GPC5: variants seen among roughly 807,000 people sequenced by gnomAD.
GPC5 encodes glypican-5.
Under a neutral mutation model 53.9 loss-of-function variants are expected in GPC5, and 47 were observed. The ratio of observed to expected loss-of-function variants is 0.87; its 90% CI spans 0.69 to 1.11. The LOEUF (loss-of-function observed/expected upper bound fraction) is 1.11. GPC5 is among the 50% of genes most tolerant of loss of function. GPC5 has a pLI of 0.00. For missense variants in GPC5, 748 were observed against 713.1 expected (o/e 1.05, Z -0.56); for synonymous variants, 286 against 263.3 (o/e 1.09, Z -0.84).
intron 6 of GPC5, among the ~76,000 whole-genome samples, chr13:91,967,434 C>T (rs970506184): frequency 1.3e-5 from 2 of 152,048 alleles, no homozygotes; most frequent in South Asian, 2.1e-4. Context: ...GTTAGAAGAA[C>T]TTAAAACTGT....
At chr13:92,392,755 C>T (rs1476091396) in intron 7 of GPC5, among the ~76,000 whole-genome samples, 2 of 152,062 alleles carry the variant, frequency 1.3e-5, no homozygotes, top group Non-Finnish European at 2.9e-5. Context: ...ACAGAGACTG[C>T]TCAAAAGAAG....
At chr13:91,967,737 A>T (rs1431802845) in intron 6 of GPC5, among the ~76,000 whole-genome samples, 2 of 152,082 alleles carry the variant, frequency 1.3e-5, no homozygotes, top group Non-Finnish European at 2.9e-5. Context: ...TTCATATACA[A>T]AATCATCAGT....
intron 4 of GPC5, among the ~76,000 whole-genome samples, chr13:91,745,805 G>C: frequency 6.6e-6 from 1 of 152,084 alleles, no homozygotes. Flanking sequence ...TATGATAAAC[G>C]TGCCATATAT....
intron 7 of GPC5, among the ~76,000 whole-genome samples, chr13:92,809,667 A>G (rs1877223348): frequency 6.6e-6 from 1 of 152,174 alleles, no homozygotes; most frequent in Non-Finnish European, 1.5e-5. Flanking sequence ...AGGTTAACTT[A>G]TTTTAAGATT....
chr13:92,070,609 CTTT>C (rs1173033812), intron 6 of GPC5, among the ~76,000 whole-genome samples: 1 of 152,258 alleles, frequency 6.6e-6, no homozygotes, highest in East Asian at 1.9e-4. Flanking sequence ...TAAACTAACA[CTTT>C]TTTTATTTTT....
chr13:92,207,452 A>G (rs1364958279), intron 7 of GPC5, among the ~76,000 whole-genome samples: 1 of 152,208 alleles, frequency 6.6e-6, no homozygotes, highest in Non-Finnish European at 1.5e-5. Context: ...AAAGTTGAGA[A>G]CATGTGGGGA....
intron 7 of GPC5, among the ~76,000 whole-genome samples, chr13:92,570,050 G>C (rs935642538): frequency 7.2e-5 from 11 of 152,090 alleles, no homozygotes; most frequent in African/African-American, 2.4e-4. Flanking sequence ...ACCAATGACT[G>C]TGTAGAACCA....
chr13:91,751,053 C>T (rs922412295), intron 4 of GPC5, among the ~76,000 whole-genome samples: 13 of 152,060 alleles, frequency 8.5e-5, no homozygotes, highest in Non-Finnish European at 1.9e-4. Context: ...ATATACCTAC[C>T]GTAGATCCCT....
chr13:92,165,854 T>C (rs1376021137), intron 7 of GPC5, among the ~76,000 whole-genome samples: 1 of 152,212 alleles, frequency 6.6e-6, no homozygotes, highest in African/African-American at 2.4e-5. Context: ...ATATGATAGG[T>C]AATATTGCCA....
chr13:91,911,825 G>A (rs528945365), intron 6 of GPC5, among the ~76,000 whole-genome samples: 2 of 152,298 alleles, frequency 1.3e-5, no homozygotes, highest in East Asian at 3.9e-4. Context: ...AAGGATGATA[G>A]CAAGGTTTGG....
chr13:92,396,034 T>C (rs945204138), intron 7 of GPC5, among the ~76,000 whole-genome samples: 4 of 150,484 alleles, frequency 2.7e-5, no homozygotes, highest in Non-Finnish European at 5.9e-5. Context: ...TCAGCCATTC[T>C]GACTTCAAAT....
intron 6 of GPC5, among the ~76,000 whole-genome samples, chr13:92,023,291 CAG>C (rs1001553255): frequency 3.3e-5 from 5 of 151,920 alleles, no homozygotes; most frequent in Non-Finnish European, 5.9e-5. Context: ...ATAAATCAAA[CAG>C]AAGTTAAGCA....
At chr13:91,936,040 C>T (rs529699191) in intron 6 of GPC5, among the ~76,000 whole-genome samples, 1 of 152,134 alleles carries the variant, frequency 6.6e-6, no homozygotes, top group Non-Finnish European at 1.5e-5. Context: ...GTTTCCCACT[C>T]CTATCTTCAC....
chr13:92,682,688 A>G (rs1186279260), intron 7 of GPC5, among the ~76,000 whole-genome samples: 2 of 152,352 alleles, frequency 1.3e-5, no homozygotes, highest in African/African-American at 4.8e-5. Context: ...ATAGAACAAA[A>G]GATCTATAAC....
At chr13:91,641,065 C>T (rs187355974) in intron 2 of GPC5, among the ~76,000 whole-genome samples, 4 of 152,130 alleles carry the variant, frequency 2.6e-5, no homozygotes, top group East Asian at 1.9e-4. Flanking sequence ...CAGTGGCTCA[C>T]GCCTGTAATC....
At chr13:91,874,893 A>T (rs1254159115) in intron 5 of GPC5, among the ~76,000 whole-genome samples, 1 of 152,190 alleles carries the variant, frequency 6.6e-6, no homozygotes, top group Non-Finnish European at 1.5e-5. Context: ...TCCATAAATT[A>T]TCTAGCAAAA....
rs78560046 is a variant in GPC5, at chr13:92,176,634, T to C, written c.1561+31645T>C. On this transcript the variant is annotated intron_variant, in intron 7 of 7. Coordinates refer to ENST00000377067, the MANE Select transcript of GPC5 (RefSeq NM_004466.6). Reference sequence around the variant, plus strand: ...GGCTTTTAGATTTCTAAGACCTCCCTTTCCGTTTCTCTCCATCTGACCTCC... The same window carrying C: ...GGCTTTTAGATTTCTAAGACCTCCCCTTCCGTTTCTCTCCATCTGACCTCC... Among the ~76,000 whole-genome samples, 881 of 152,322 alleles carry C rather than the reference T, an allele frequency of 5.8e-3. 11 individuals are homozygous for C. The highest frequency in any genetic ancestry group is 0.019 in the African/African-American group (773 of 41,564).
intron 7 of GPC5, among the ~76,000 whole-genome samples, chr13:92,524,628 T>C (rs1399653256): frequency 6.6e-6 from 1 of 152,132 alleles, no homozygotes; most frequent in African/African-American, 2.4e-5. Flanking sequence ...CCTAGACCTG[T>C]GGTGAGGCCA....
At chr13:91,962,045 A>C (rs879578663) in intron 6 of GPC5, among the ~76,000 whole-genome samples, 4 of 152,158 alleles carry the variant, frequency 2.6e-5, no homozygotes, top group Admixed American at 2.6e-4. Context: ...ACCTTTGAAA[A>C]CTATGGAGGA....
Sources: gnomAD v4.1 joint callset for allele counts (sites outside exome capture counted in the v4.1 genomes callset) on GRCh38, gnomAD v4.1.1 for gene constraint, MANE v1.5 for transcripts, NCBI Gene and HGNC (gene_info 2026-07-23, HGNC 2026-07-21) for gene names.